Variants in NAV2 observed in about 807,000 individuals in gnomAD.
NAV2 encodes the protein neuron navigator 2.
NAV2 carries 54 observed loss-of-function variants against 223.2 expected under a neutral mutation model. The observed-to-expected ratio is 0.24, with a 90% CI of 0.19 to 0.30. NAV2 has a LOEUF of 0.30. Among genes scored for constraint, NAV2 ranks in the 10% least tolerant of loss-of-function variants. The pLI is 1.00. For missense variants in NAV2, 2,806 were observed against 3,147.5 expected (o/e 0.89, Z 2.60); for synonymous variants, 1,279 against 1,239.3 (o/e 1.03, Z -0.67).
rs1229329500 is a variant in NAV2, at chr11:19,848,223, A to G, written c.438+5300A>G. Among the ~76,000 whole-genome samples, 7 of 152,282 alleles carry G rather than the reference A, an allele frequency of 4.6e-5. No individual in the cohort carries two copies. In the South Asian group the frequency reaches 1.2e-3, roughly 27 times the overall value. ...AGAAGGGCCAGGCAGTGATTTTCTA[A>G]CTTCTATTCCATAAGCAGAACCCCT... On this transcript the variant is annotated intron_variant, in intron 3 of 37. Transcript: ENST00000349880.
chr11:19,951,475 G>A (rs1389332422), intron 10 of NAV2, among the ~76,000 whole-genome samples: 1 of 152,078 alleles, frequency 6.6e-6, no homozygotes, highest in East Asian at 1.9e-4. Flanking sequence ...TTATTGTTTA[G>A]AAGACTTTTG....
chr11:19,724,218 A>T (rs995227936), intron 1 of NAV2, among the ~76,000 whole-genome samples: 3 of 152,144 alleles, frequency 2.0e-5, no homozygotes, highest in African/African-American at 7.2e-5. Flanking sequence ...CCAGAACCCA[A>T]GCCTTCTGAC....
At chr11:19,374,407 G>A (rs1848575885) in intron 1 of NAV2, among the ~76,000 whole-genome samples, 1 of 150,062 alleles carries the variant, frequency 6.7e-6, no homozygotes, top group African/African-American at 2.5e-5. Flanking sequence ...CCTGGCACTT[G>A]GTTGCAGGGT....
At chr11:19,625,012 AT>A (rs1356303971) in intron 1 of NAV2, among the ~76,000 whole-genome samples, 3 of 152,250 alleles carry the variant, frequency 2.0e-5, no homozygotes, top group African/African-American at 7.2e-5. Flanking sequence ...TAGTGATCAC[AT>A]TGGGCTAATT....
In NAV2 at chr11:19,500,230, G is replaced by A. The variant is rs577419055; in HGVS notation, c.75+149203G>A. 2.6e-5 allele frequency among the ~76,000 whole-genome samples: 4 copies of A among 152,246 alleles called. No individual in the cohort carries two copies. In the East Asian group the frequency reaches 7.7e-4, roughly 29 times the overall value. Reference sequence around the variant, plus strand: ...GAGAAGCTCCTCAGGCTGGTCTGATGGAGGGTGAGAGGCATGTGAAGAAGG... The same window carrying A: ...GAGAAGCTCCTCAGGCTGGTCTGATAGAGGGTGAGAGGCATGTGAAGAAGG... On this transcript the variant is annotated intron_variant, in intron 1 of 37. Coordinates refer to the NAV2 transcript ENST00000360655.
exon 1 of NAV2, chr11:19,350,841 C>A: frequency 9.6e-7 from 1 of 1,036,612 alleles, no homozygotes. Flanking sequence ...ATTTCCTTGG[C>A]TGGCGGGAAC....
chr11:19,999,123 C>A lies in NAV2; in HGVS notation c.2768+14876C>A, dbSNP rs114312148. The stretch of plus-strand genomic sequence containing the variant: ...CCAACCAACCAGAATAGGGCACTAG[C>A]CAATAACCAGAACAGGGCTGTGACC... On this transcript the variant is annotated intron_variant, in intron 11 of 37. Transcript: ENST00000349880. Among the ~76,000 whole-genome samples the A allele has an allele frequency of 5.5e-3, 843 of 152,308 alleles. 5 individuals are homozygous for A. The highest frequency in any genetic ancestry group is 0.019 in the African/African-American group (804 of 41,576).
chr11:19,629,480 CACACACACACACGTACAG>C (rs2135479747), intron 1 of NAV2, among the ~76,000 whole-genome samples: 2 of 151,712 alleles, frequency 1.3e-5, no homozygotes, highest in South Asian at 4.2e-4. Flanking sequence ...CGCACTTGCG[CACACACACACACGTACAG>C]ACACACACAC....
At chr11:19,605,992 A>G (rs2046468309) in intron 1 of NAV2, among the ~76,000 whole-genome samples, 2 of 152,218 alleles carry the variant, frequency 1.3e-5, no homozygotes, top group South Asian at 4.1e-4. Context: ...AGACGGAGGC[A>G]AAGATTAATC....
intron 1 of NAV2, among the ~76,000 whole-genome samples, chr11:19,452,107 A>AGT (rs60628637): frequency 0.017 from 2,422 of 146,718 alleles, 33 homozygotes; most frequent in African/African-American, 0.032. Context: ...AGGTTACAAA[A>AGT]GTGTGTGTGT....
intron 8 of NAV2, among the ~76,000 whole-genome samples, chr11:19,943,919 CGT>C (rs1227831253): frequency 6.7e-6 from 1 of 148,222 alleles, no homozygotes; most frequent in Non-Finnish European, 1.5e-5. Context: ...GGAACTAGGC[CGT>C]GTGTGGTGGC....
Position 19,682,619 on chromosome 11 carries a change from T to C in NAV2, c.76-149865T>C, listed in dbSNP as rs566549941. Among the ~76,000 whole-genome samples, 3 of 152,344 alleles carry C rather than the reference T, an allele frequency of 2.0e-5. No homozygotes were observed. The East Asian group carries it at 5.8e-4, about 29-fold the overall frequency. ...GCTATACAAGCATGGCACCAGCATCTGCTTTTGGCGAGGGCCTCAGGAAGC... is the reference window on the plus strand; with the variant it reads ...GCTATACAAGCATGGCACCAGCATCCGCTTTTGGCGAGGGCCTCAGGAAGC... On this transcript the variant is annotated intron_variant, in intron 1 of 37. Transcript: ENST00000360655.
intron 1 of NAV2, among the ~76,000 whole-genome samples, chr11:19,627,813 T>G (rs1011470128): frequency 4.0e-5 from 6 of 149,992 alleles, no homozygotes; most frequent in African/African-American, 1.5e-4. Flanking sequence ...GAATATTGGC[T>G]CCAGAGACAG....
chr11:19,442,814 C>A (rs1195593285), intron 1 of NAV2, among the ~76,000 whole-genome samples: 1 of 152,260 alleles, frequency 6.6e-6, no homozygotes, highest in East Asian at 1.9e-4. Context: ...CATTCTCTCT[C>A]TTCCAGTAGC....
At position 20,093,820 on chromosome 11, in the gene NAV2, G is replaced by A. The variant is rs543494774; in HGVS notation, c.5916+621G>A. Among the ~76,000 whole-genome samples, 5 of 152,280 alleles carry A rather than the reference G, an allele frequency of 3.3e-5. No individual in the cohort carries two copies. In the South Asian group the frequency reaches 6.2e-4, roughly 19 times the overall value. On this transcript the variant is annotated intron_variant, in intron 29 of 37. Coordinates refer to ENST00000349880, the MANE Select transcript of NAV2 (RefSeq NM_145117.5). ...TGCCAGAGACTATTTTGGGATGGGG[G>A]CTAGAGCTGATATTGAAAGTTGAAT...
intron 1 of NAV2, among the ~76,000 whole-genome samples, chr11:19,631,245 A>C (rs1459222877): frequency 6.6e-6 from 1 of 151,994 alleles, no homozygotes; most frequent in Non-Finnish European, 1.5e-5. Flanking sequence ...TCCCAATGCT[A>C]TCCCTCCCCC....
intron 1 of NAV2, among the ~76,000 whole-genome samples, chr11:19,818,960 C>G (rs1340894488): frequency 8.5e-5 from 13 of 152,086 alleles, no homozygotes; most frequent in Admixed American, 8.5e-4. Context: ...TTTTTTTCCA[C>G]CCACTCATCC....
At chr11:19,714,165 C>A in intron 1 of NAV2, 1 of 744,832 alleles carries the variant, frequency 1.3e-6, no homozygotes, top group Non-Finnish European at 2.3e-6. Context: ...CGGAGGTTTG[C>A]CTTAAGAGCT....
chr11:19,593,892 T>C (rs1288836471), intron 1 of NAV2, among the ~76,000 whole-genome samples: 2 of 152,194 alleles, frequency 1.3e-5, no homozygotes, highest in African/African-American at 4.8e-5. Flanking sequence ...TTGGATTGTT[T>C]GTTTTTTAAT....
Sources: gnomAD v4.1 joint callset for allele counts (sites outside exome capture counted in the v4.1 genomes callset) on GRCh38, gnomAD v4.1.1 for gene constraint, MANE v1.5 for transcripts, NCBI Gene and HGNC (gene_info 2026-07-23, HGNC 2026-07-21) for gene names.